FAM163B: variants seen among roughly 807,000 people sequenced by gnomAD.
The protein encoded by FAM163B is family with sequence similarity 163 member B.
In FAM163B, 4 loss-of-function variants were observed where a neutral mutation model predicts 7.6. The ratio of observed to expected loss-of-function variants is 0.52; its 90% CI spans 0.26 to 1.20. The LOEUF (loss-of-function observed/expected upper bound fraction) is 1.20, where lower values mean the gene tolerates loss of function less well. Ranked by LOEUF, FAM163B falls within the 50% of genes most tolerant of loss-of-function variation. The pLI is 0.14. For synonymous variants in FAM163B, 120 were observed against 111.6 expected (o/e 1.07, Z -0.47); for missense variants, 250 against 243.0 (o/e 1.03, Z -0.19).
chr9:133,596,579 G>A (rs1273829696), intron 1 of FAM163B, among the ~76,000 whole-genome samples: 1 of 152,160 alleles, frequency 6.6e-6, no homozygotes, highest in Non-Finnish European at 1.5e-5. Flanking sequence ...GGTGGCCCCA[G>A]CTCCCTCCAG....
intron 1 of FAM163B, among the ~76,000 whole-genome samples, chr9:133,598,523 G>A (rs1045377585): frequency 1.3e-5 from 2 of 152,004 alleles, no homozygotes. Context: ...GGGTGAGGAG[G>A]TGGGGCTCTT....
In FAM163B at chr9:133,600,140, G is replaced by C. The variant is rs1831698886; in HGVS notation, c.-24+8937C>G. The stretch of plus-strand genomic sequence containing the variant: ...TATGTGTATGTGTGTCTGTGTGCGT[G>C]TGTGAATGTATGTGTGCATGAGTGT... On this transcript the variant is annotated intron_variant, in intron 1 of 2. Coordinates refer to ENST00000673969, the MANE Select transcript of FAM163B (RefSeq NM_001080515.3). This position sits in a 1 kb window ranked among gnomAD's most constrained non-coding sequence, Gnocchi z 4.9. Among the ~76,000 whole-genome samples the C allele has an allele frequency of 6.6e-6, 1 of 151,060 alleles. No homozygotes were observed. Among genetic ancestry groups the C allele is most frequent in the African/African-American group, 2.4e-5 (1 of 41,002 alleles).
intron 1 of FAM163B, among the ~76,000 whole-genome samples, chr9:133,597,452 T>A (rs1279137139): frequency 6.6e-6 from 1 of 151,566 alleles, no homozygotes; most frequent in Non-Finnish European, 1.5e-5. Context: ...GAGAAAAACA[T>A]CAATAAACGA....
At chr9:133,608,043 G>T (rs1831810879) in intron 1 of FAM163B, among the ~76,000 whole-genome samples, 1 of 152,206 alleles carries the variant, frequency 6.6e-6, no homozygotes, top group South Asian at 2.1e-4. Context: ...TTGGGGGTTG[G>T]TAATTACTGC....
At chr9:133,584,953 CT>C (rs996212175) in intron 1 of FAM163B, among the ~76,000 whole-genome samples, 3 of 152,232 alleles carry the variant, frequency 2.0e-5, no homozygotes, top group African/African-American at 7.2e-5. Context: ...TATCTGCCCC[CT>C]GGGACCATAA....
chr9:133,603,222 T>C (rs971768274), intron 1 of FAM163B, among the ~76,000 whole-genome samples: 1 of 152,206 alleles, frequency 6.6e-6, no homozygotes, highest in Non-Finnish European at 1.5e-5. Flanking sequence ...CCTTGACAAA[T>C]GCTACAGAGA....
chr9:133,591,531 C>T (rs1162244815), intron 1 of FAM163B, among the ~76,000 whole-genome samples: 1 of 152,200 alleles, frequency 6.6e-6, no homozygotes, highest in East Asian at 1.9e-4. Context: ...CCAGTCCTCC[C>T]TGGTGCCCCC....
chr9:133,587,162 T>C (rs974369866), intron 1 of FAM163B, among the ~76,000 whole-genome samples: 2 of 152,308 alleles, frequency 1.3e-5, no homozygotes, highest in Admixed American at 1.3e-4. Context: ...AGCCCATCCC[T>C]GTCTGGAGTC....
intron 1 of FAM163B, among the ~76,000 whole-genome samples, chr9:133,584,923 G>A (rs909134480): frequency 6.6e-6 from 1 of 152,238 alleles, no homozygotes; most frequent in African/African-American, 2.4e-5. Context: ...GCAATTTGGC[G>A]AGAATAGCGC....
In FAM163B at chr9:133,600,919, AG is replaced by A. The variant is rs1015452647; in HGVS notation, c.-24+8157del. Among the ~76,000 whole-genome samples the A allele has an allele frequency of 2.0e-5, 3 of 151,946 alleles. No homozygotes were observed. Among genetic ancestry groups the A allele is most frequent in the Non-Finnish European group, 2.9e-5 (2 of 67,914 alleles). ...ACTCAACTCTCCCTTGGTAGGGGGT[AG>A]GGGGGGAGCTTCATTGCCTCGAGTT... is the stretch of plus-strand genomic sequence containing the variant. On this transcript the variant is annotated intron_variant, in intron 1 of 2. Transcript: ENST00000673969. This position sits in a 1 kb window ranked among gnomAD's most constrained non-coding sequence, Gnocchi z 4.9.
At chr9:133,596,631 C>T (rs536302802) in intron 1 of FAM163B, among the ~76,000 whole-genome samples, 43 of 152,236 alleles carry the variant, frequency 2.8e-4, no homozygotes, top group African/African-American at 8.9e-4. Flanking sequence ...AGGTGCAGCC[C>T]GCTGCTCTCC....
intron 1 of FAM163B, among the ~76,000 whole-genome samples, chr9:133,588,718 T>TAGCATGTTGAGGGATCTAGCATGCTGAA (rs1831491110): frequency 1.5e-3 from 1 of 662 alleles, no homozygotes; most frequent in African/African-American, 5.0e-3. Context: ...AGCATGCTGC[T>TAGCATGTTGAGGGATCTAGCATGCTGAA]GACCCACTCA....
chr9:133,578,843 T>C lies in FAM163B; in HGVS notation c.*179A>G. 2 of 1,214,076 alleles carry C rather than the reference T, an allele frequency of 1.6e-6. No individual in the cohort carries two copies. The highest frequency in any genetic ancestry group is 3.0e-5 in the Admixed American group (1 of 33,216). The allele number at this position is 1,214,076 out of a possible 1,614,324, so 75.2% of individuals were successfully genotyped here. A position where few individuals can be genotyped will look rare whatever the true frequency, so the allele number is the denominator to read the frequency against. ...CCCCCCAGGACACATTTGTGTTCAA[T>C]GAGCCTTATCCCTGCCACGAGCCTG... On this transcript the variant is annotated 3_prime_UTR_variant, in exon 3 of 3. Transcript: ENST00000673969.
rs1217568843 is a variant in FAM163B at position 133,609,246 on chromosome 9, G to A, written c.-193C>T. Among the ~76,000 whole-genome samples the A allele has an allele frequency of 6.6e-6, 1 of 151,006 alleles. No homozygotes were observed. Among genetic ancestry groups the A allele is most frequent in the African/African-American group, 2.4e-5 (1 of 41,330 alleles). ...GGGCGAGGCGGGCGCTGAGAAGCCC[G>A]GGAGGCCCCCGGGGAGGCGACTGCG... is the stretch of plus-strand genomic sequence containing the variant. On this transcript the variant is annotated 5_prime_UTR_variant, in exon 1 of 3. Coordinates refer to ENST00000673969, the MANE Select transcript of FAM163B (RefSeq NM_001080515.3).
chr9:133,583,328 G>C lies in FAM163B; in HGVS notation c.-23-3082C>G, dbSNP rs900885526. The stretch of plus-strand genomic sequence containing the variant: ...GACTGCAGGGAGGATGGAGACTGTA[G>C]GTGGCCATGGCTGGGCTGAGGTGCT... On this transcript the variant is annotated intron_variant, in intron 1 of 2. Coordinates refer to ENST00000673969, the MANE Select transcript of FAM163B (RefSeq NM_001080515.3). Among the ~76,000 whole-genome samples, 8 of 152,310 alleles carry C rather than the reference G, an allele frequency of 5.3e-5. No individual in the cohort carries two copies. The East Asian group carries it at 1.4e-3, about 26-fold the overall frequency.
At chr9:133,590,057 C>T (rs1831515672) in intron 1 of FAM163B, among the ~76,000 whole-genome samples, 1 of 20,198 alleles carries the variant, frequency 5.0e-5, no homozygotes, top group Non-Finnish European at 1.0e-4. Flanking sequence ...CTTCCCTTCC[C>T]TTCCCTTCCC....
At chr9:133,602,170 TAAC>T (rs780624430) in intron 1 of FAM163B, among the ~76,000 whole-genome samples, 10 of 148,394 alleles carry the variant, frequency 6.7e-5, no homozygotes, top group East Asian at 2.0e-4. Context: ...ACCCGCCATA[TAAC>T]AACAAGTTCC....
Position 133,579,052 on chromosome 9 carries a change from G to A in FAM163B, c.471C>T (p.Ala157=), listed in dbSNP as rs777497301. ...NRLSAMREAF[A]RSRSISTDV ...CGTCGGTGCTGATGCTGCGGCTCCT[G>A]GCGAAGGCCTCCCGCATGGCTGAGA... is the stretch of plus-strand genomic sequence containing the variant. Residue 157 remains alanine, a synonymous_variant, in exon 3 of 3, where the codon GCC becomes GCT. Coordinates refer to ENST00000673969, the MANE Select transcript of FAM163B (RefSeq NM_001080515.3). The A allele has an allele frequency of 2.2e-4, 343 of 1,572,692 alleles. 2 individuals carry two copies. Among genetic ancestry groups the A allele is most frequent in the East Asian group, 1.2e-4 (5 of 43,132 alleles).
At position 133,579,118 on chromosome 9, in the gene FAM163B, CG is replaced by C; in HGVS notation, c.404del (p.Pro135ArgfsTer43). 6.2e-7 allele frequency: 1 copy of C among 1,607,398 alleles called. No individual in the cohort carries two copies. On this transcript the variant is annotated frameshift_variant, in exon 3 of 3. Coordinates refer to ENST00000673969, the MANE Select transcript of FAM163B (RefSeq NM_001080515.3). LOFTEE classifies it high-confidence loss of function. ...GCGCCTGCAGGCCCCCGAAGCCCCC[CG>C]GGGGCAGCTCCACGTCCTCCTGGCT... The part of the protein sequence containing the change: ...SVSQEDVELP[P>X]GGFGGLQALN...
Sources: gnomAD v4.1 joint callset for allele counts (sites outside exome capture counted in the v4.1 genomes callset) on GRCh38, gnomAD v4.1.1 for gene constraint, Gnocchi (gnomAD v3.1) non-coding constraint, MANE v1.5 for transcripts, NCBI Gene and HGNC (gene_info 2026-07-23, HGNC 2026-07-21) for gene names.